The following VPS13B variants were observed in gnomAD, a reference collection of about 807,000 sequenced individuals.
VPS13B encodes the protein intermembrane lipid transfer protein VPS13B.
In VPS13B, 285 loss-of-function variants were observed where a neutral mutation model predicts 426.4. The ratio of observed to expected loss-of-function variants is 0.67; its 90% CI spans 0.61 to 0.74. VPS13B has a LOEUF of 0.74. Among genes scored for constraint, VPS13B ranks in the 30% least tolerant of loss-of-function variants. The pLI is 0.00. For synonymous variants in VPS13B, 1,676 were observed against 1,676.4 expected, an observed-to-expected ratio of 1.00 and a Z score of 0.01; for missense variants, 4,537 against 4,782.6, an observed-to-expected ratio of 0.95 and a Z score of 1.51.
chr8:99,142,917 A>T, intron 12 of VPS13B, 57 bp from the exon 13 acceptor site: 1 of 1,531,224 alleles, frequency 6.5e-7, no homozygotes, highest in East Asian at 2.4e-5. Context: ...GCGATTTTAA[A>T]ATATTTACTT....
intron 31 of VPS13B, among the ~76,000 whole-genome samples, chr8:99,573,392 G>T (rs1419700458): frequency 6.6e-6 from 1 of 152,118 alleles, no homozygotes; most frequent in Non-Finnish European, 1.5e-5. Context: ...TGTCCTGAAA[G>T]GTATTGCCTA....
chr8:99,431,008 G>A lies in VPS13B; in HGVS notation c.3083-529G>A, dbSNP rs149135355. Among the ~76,000 whole-genome samples, 706 of 152,260 alleles carry A rather than the reference G, an allele frequency of 4.6e-3. 5 individuals carry two copies. The highest frequency in any genetic ancestry group is 0.016 in the African/African-American group (665 of 41,548). On this transcript the variant is annotated intron_variant, in intron 21 of 61. Coordinates refer to ENST00000357162, the MANE Select transcript of VPS13B (RefSeq NM_152564.5). ...GTTAGGATTACAGGCGTGAGCCAAC[G>A]TGCCTGGCCAAAATCACTTTTTAAA... is the stretch of plus-strand genomic sequence containing the variant.
chr8:99,666,255 C>G (rs1269890173), intron 35 of VPS13B, among the ~76,000 whole-genome samples: 1 of 152,164 alleles, frequency 6.6e-6, no homozygotes, highest in African/African-American at 2.4e-5. Flanking sequence ...ACCATTCCTT[C>G]TGAAACTATT....
At chr8:99,322,953 T>C (rs573505860) in intron 19 of VPS13B, among the ~76,000 whole-genome samples, 34 of 152,208 alleles carry the variant, frequency 2.2e-4, no homozygotes, top group Non-Finnish European at 3.8e-4. Flanking sequence ...CAGAAAAGTA[T>C]AGAACAGAAT....
chr8:99,137,776 C>T (rs1490167912), intron 12 of VPS13B, among the ~76,000 whole-genome samples: 1 of 152,072 alleles, frequency 6.6e-6, no homozygotes, highest in African/African-American at 2.4e-5. Flanking sequence ...GTTGTTGATA[C>T]TCAAATTTGC....
intron 19 of VPS13B, among the ~76,000 whole-genome samples, chr8:99,343,866 G>T (rs1329126370): frequency 2.0e-5 from 3 of 152,142 alleles, no homozygotes; most frequent in African/African-American, 7.2e-5. Flanking sequence ...TGGATTGAAA[G>T]AATCAATATT....
At chr8:99,427,536 A>G (rs1816794330) in intron 21 of VPS13B, among the ~76,000 whole-genome samples, 1 of 151,848 alleles carries the variant, frequency 6.6e-6, no homozygotes. Context: ...CCCATTCACA[A>G]TTGCTTCAAA....
intron 21 of VPS13B, among the ~76,000 whole-genome samples, chr8:99,425,841 A>G (rs1816669905): frequency 6.6e-6 from 1 of 152,228 alleles, no homozygotes; most frequent in Non-Finnish European, 1.5e-5. Flanking sequence ...GCTGATAGGC[A>G]ACTTCAGCAA....
intron 40 of VPS13B, 42 bp from the exon 41 acceptor site, chr8:99,776,733 A>G: frequency 6.2e-7 from 1 of 1,606,364 alleles, no homozygotes; most frequent in Non-Finnish European, 8.5e-7. Context: ...AATATTGGGA[A>G]ATTTTGGTTA....
rs369360970 is a variant in VPS13B at position 99,403,790 on chromosome 8, C to T, written c.3082+12086C>T. ...TTAACTCCAGCTATTCCAGTTTGTA[C>T]GTACTAATTTTTTATTTTACAATTA... On this transcript the variant is annotated intron_variant, in intron 21 of 61. Coordinates refer to ENST00000357162, the MANE Select transcript of VPS13B (RefSeq NM_152564.5). Among the ~76,000 whole-genome samples, 16 of 152,178 alleles carry T rather than the reference C, an allele frequency of 1.1e-4. No homozygotes were observed. In the East Asian group the frequency reaches 1.4e-3, roughly 13 times the overall value.
At chr8:99,337,784 A>G (rs1192760231) in intron 19 of VPS13B, among the ~76,000 whole-genome samples, 5 of 151,986 alleles carry the variant, frequency 3.3e-5, no homozygotes, top group Non-Finnish European at 7.4e-5. Flanking sequence ...GCTTTTTTGG[A>G]CTTCTCTATG....
chr8:99,360,581 C>T (rs1004468989), intron 19 of VPS13B, among the ~76,000 whole-genome samples: 1 of 151,972 alleles, frequency 6.6e-6, no homozygotes, highest in Non-Finnish European at 1.5e-5. Flanking sequence ...CCGGCCATTT[C>T]TTTTGAAAAC....
In VPS13B at chr8:99,744,500, G is replaced by T. The variant is rs527379411; in HGVS notation, c.7051-22274G>T. Among the ~76,000 whole-genome samples the T allele has an allele frequency of 5.3e-5, 8 of 152,230 alleles. No individual in the cohort carries two copies. The East Asian group carries it at 1.5e-3, about 29-fold the overall frequency. On this transcript the variant is annotated intron_variant, in intron 39 of 61. Transcript: ENST00000357162. Reference sequence around the variant, plus strand: ...TACCCAAAGGATTATAAATCATGCTGCTATAAAGACACATGCACACGTATA... The same window carrying T: ...TACCCAAAGGATTATAAATCATGCTTCTATAAAGACACATGCACACGTATA...
At chr8:99,559,692 G>A (rs374184878) in intron 31 of VPS13B, among the ~76,000 whole-genome samples, 1 of 152,100 alleles carries the variant, frequency 6.6e-6, no homozygotes, top group East Asian at 1.9e-4. Context: ...GTTTTTGTCA[G>A]GTTTGTCAAA....
intron 19 of VPS13B, chr8:99,340,818 C>T (rs572020872): frequency 9.1e-6 from 3 of 328,538 alleles, no homozygotes; most frequent in African/African-American, 2.2e-5. Context: ...GCACGCGGAC[C>T]GCCTCAGAGC....
At chr8:99,060,740 A>G (rs1238823893) in intron 3 of VPS13B, among the ~76,000 whole-genome samples, 1 of 152,156 alleles carries the variant, frequency 6.6e-6, no homozygotes, top group Non-Finnish European at 1.5e-5. Flanking sequence ...CTTTTTTTTA[A>G]CTTATTGAGG....
Position 99,437,248 on chromosome 8 carries a change from T to C in VPS13B, c.3211-5153T>C, listed in dbSNP as rs1300718648. On this transcript the variant is annotated intron_variant, in intron 22 of 61. Coordinates refer to ENST00000357162, the MANE Select transcript of VPS13B (RefSeq NM_152564.5). ...GTTGGTATTTGCTAAACCCATATTA[T>C]TTTTTACTTAGAATAGAAACATGTA... is the stretch of plus-strand genomic sequence containing the variant. Among the ~76,000 whole-genome samples the C allele has an allele frequency of 3.3e-5, 5 of 152,122 alleles. No homozygotes were observed. In the East Asian group the frequency reaches 5.8e-4, roughly 18 times the overall value.
In VPS13B at chr8:99,779,040, A is replaced by G; in HGVS notation, c.7779+9A>G. 1 of 1,610,302 alleles carries G rather than the reference A, an allele frequency of 6.2e-7. No homozygotes were observed. The highest frequency in any genetic ancestry group is 8.5e-7 in the Non-Finnish European group (1 of 1,177,348). The stretch of plus-strand genomic sequence containing the variant: ...TACAAGCTTGGCAACAGGTATGCAC[A>G]TTCCATAACAGTTTACAGTTTGGCC... On this transcript the variant is annotated intron_variant, in intron 42 of 61. Coordinates refer to ENST00000357162, the MANE Select transcript of VPS13B (RefSeq NM_152564.5).
intron 19 of VPS13B, among the ~76,000 whole-genome samples, chr8:99,281,216 C>T (rs996686869): frequency 6.6e-6 from 1 of 152,230 alleles, no homozygotes; most frequent in African/African-American, 2.4e-5. Context: ...TGACAGGAGG[C>T]AGAGCTCAGG....
Sources: gnomAD v4.1 joint callset for allele counts (sites outside exome capture counted in the v4.1 genomes callset) on GRCh38, gnomAD v4.1.1 for gene constraint, MANE v1.5 for transcripts, NCBI Gene and HGNC (gene_info 2026-07-23, HGNC 2026-07-21) for gene names.